The following VPS13C variants were observed in gnomAD, a reference collection of about 807,000 sequenced individuals.
VPS13C encodes the protein intermembrane lipid transfer protein VPS13C.
Under a neutral mutation model 456.8 loss-of-function variants are expected in VPS13C, and 358 were observed. The ratio of observed to expected loss-of-function variants is 0.78; its 90% CI spans 0.72 to 0.86. The LOEUF is 0.86. Ranked by LOEUF, VPS13C falls within the 40% of genes least tolerant of loss-of-function variation. VPS13C has a pLI of 0.00. For synonymous variants in VPS13C, 1,578 were observed against 1,486.7 expected (o/e 1.06, Z -1.41); for missense variants, 4,818 against 4,385.4 (o/e 1.10, Z -2.79).
chr15:62,044,894 T>G (rs1277197803), intron 1 of VPS13C, among the ~76,000 whole-genome samples: 1 of 152,110 alleles, frequency 6.6e-6, no homozygotes, highest in Non-Finnish European at 1.5e-5. Flanking sequence ...GGAAAAAGTT[T>G]TCATTTCACT....
chr15:61,907,825 T>C (rs1328317823), intron 65 of VPS13C, among the ~76,000 whole-genome samples: 2 of 152,188 alleles, frequency 1.3e-5, no homozygotes, highest in African/African-American at 2.4e-5. Flanking sequence ...CAAGATCATA[T>C]TGCACTACAG....
Position 62,044,269 on chromosome 15 carries a change from A to T in VPS13C, c.101-14T>A. On this transcript the variant is annotated splice_polypyrimidine_tract_variant and intron_variant, in intron 1 of 84. Transcript: ENST00000644861. Reference sequence around the variant, plus strand: ...AAGCCACATTTCCTTTAAAAAAAGAAAACAAAGAAAAATATTACTATAACA... The same window carrying T: ...AAGCCACATTTCCTTTAAAAAAAGATAACAAAGAAAAATATTACTATAACA... 7.0e-7 allele frequency: 1 copy of T among 1,431,026 alleles called. No individual in the cohort carries two copies. The highest frequency in any genetic ancestry group is 9.6e-7 in the Non-Finnish European group (1 of 1,038,438). The allele number at this position is 1,431,026 out of a possible 1,614,324, so 88.6% of individuals were successfully genotyped here.
chr15:61,997,170 A>C (rs914002363), intron 16 of VPS13C, among the ~76,000 whole-genome samples: 7 of 152,166 alleles, frequency 4.6e-5, no homozygotes, highest in Admixed American at 4.6e-4. Context: ...TAGTTAAAAA[A>C]TCAGGTGCAT....
chr15:61,907,210 T>C (rs887998024), intron 66 of VPS13C, 54 bp downstream of exon 66: 7 of 1,608,982 alleles, frequency 4.4e-6, no homozygotes, highest in Non-Finnish European at 6.0e-6. Flanking sequence ...ATAGCTTCTC[T>C]ACTTCCTTCA....
intron 67 of VPS13C, among the ~76,000 whole-genome samples, chr15:61,884,894 A>G (rs1345481493): frequency 1.3e-5 from 2 of 152,144 alleles, no homozygotes; most frequent in African/African-American, 4.8e-5. Flanking sequence ...GAAGGCATTC[A>G]TAAAATTCTA....
rs2140179439 is a variant in VPS13C at position 61,920,523 on chromosome 15, A to C, written c.7187T>G (p.Leu2396Arg). The C allele has an allele frequency of 1.9e-6, 3 of 1,547,342 alleles. No individual in the cohort carries two copies. The highest frequency in any genetic ancestry group is 1.7e-6 in the Non-Finnish European group (2 of 1,149,730). Residue 2396 changes from leucine to arginine, a missense_variant, in exon 56 of 85, where the codon CTT becomes CGT. Leu to Arg is a moderately radical substitution (Grantham distance 102). Transcript: ENST00000644861. ...TMNITISKSC[L>R]NVFNNLAKGF... ...TTTTGCTAAATTGTTGAAAACATTA[A>C]GACAACTTTTGGATATTGTTATATT...
At chr15:61,951,170 T>C (rs2044778687) in intron 39 of VPS13C, 146 bp from the exon 40 acceptor site, 1 of 509,424 alleles carries the variant, frequency 2.0e-6, no homozygotes, top group African/African-American at 1.9e-5. Context: ...GTATAAATCT[T>C]ACCTCAATAA....
rs563567843 is a variant in VPS13C, at chr15:62,035,955, A to T, written c.188-903T>A. 2.0e-5 allele frequency among the ~76,000 whole-genome samples: 3 copies of T among 152,146 alleles called. No homozygotes were observed. In the South Asian group the frequency reaches 6.2e-4, roughly 32 times the overall value. The stretch of plus-strand genomic sequence containing the variant: ...GGGCATGCTCTCAGCTAAATTTTGA[A>T]ATAGGCAAAATCTGTCAAAATCTTT... On this transcript the variant is annotated intron_variant, in intron 3 of 84. Transcript: ENST00000644861.
At chr15:61,883,331 C>G (rs865813194) in intron 68 of VPS13C, among the ~76,000 whole-genome samples, 7 of 152,126 alleles carry the variant, frequency 4.6e-5, no homozygotes, top group African/African-American at 1.7e-4. Flanking sequence ...GCCACTGCAC[C>G]TGGCCCAAAG....
chr15:61,894,766 T>C (rs751412502), intron 66 of VPS13C, among the ~76,000 whole-genome samples: 2 of 152,118 alleles, frequency 1.3e-5, no homozygotes, highest in African/African-American at 2.4e-5. Flanking sequence ...AAGGAAGAGA[T>C]AGACTGGAAT....
intron 27 of VPS13C, 58 bp downstream of exon 27, chr15:61,972,567 T>C (rs1276569340): frequency 8.3e-6 from 13 of 1,571,710 alleles, no homozygotes; most frequent in East Asian, 2.2e-5. Context: ...AGCTTGAGGA[T>C]AGCTTACAAG....
At chr15:61,918,056 T>A (rs906290253) in intron 59 of VPS13C, 80 bp downstream of exon 59, 3 of 1,426,482 alleles carry the variant, frequency 2.1e-6, no homozygotes, top group Non-Finnish European at 2.8e-6. Flanking sequence ...CTTTAGTTAA[T>A]AAAAATATGA....
chr15:62,020,890 C>T (rs557923712), intron 8 of VPS13C, among the ~76,000 whole-genome samples: 1 of 151,934 alleles, frequency 6.6e-6, no homozygotes, highest in South Asian at 2.1e-4. Context: ...AAAGGTGTTA[C>T]AGATAACACT....
Position 61,854,545 on chromosome 15 carries a change from G to C in VPS13C, c.11174C>G (p.Ala3725Gly), listed in dbSNP as rs770102471. 1.9e-6 allele frequency: 3 copies of C among 1,613,930 alleles called. No individual in the cohort carries two copies. The highest frequency in any genetic ancestry group is 2.2e-5 in the South Asian group (2 of 91,080). Residue 3725 changes from alanine to glycine, a missense_variant, in exon 85 of 85, where the codon GCC (alanine) becomes GGC (glycine). Transcript: ENST00000644861. ...TCTCGTTGACTGTGCATCCTCAATG[G>C]CATTACATGCTCTCTGTAAAGTAAA... ...DTATAERACN[A>G]IEDAQSTRQQ...
At chr15:62,037,434 A>AT (rs1191819475) in intron 3 of VPS13C, among the ~76,000 whole-genome samples, 7 of 62,622 alleles carry the variant, frequency 1.1e-4, no homozygotes, top group African/African-American at 2.6e-4. Context: ...ATATAAATAT[A>AT]ATATATATTA....
intron 7 of VPS13C, 97 bp downstream of exon 7, chr15:62,023,683 T>C: frequency 7.7e-7 from 1 of 1,306,594 alleles, no homozygotes; most frequent in African/African-American, 1.5e-5. Flanking sequence ...TGTTTTTGAA[T>C]TTATACTGTT....
At chr15:62,037,395 A>G (rs1256993533) in intron 3 of VPS13C, among the ~76,000 whole-genome samples, 79 of 105,918 alleles carry the variant, frequency 7.5e-4, no homozygotes, top group African/African-American at 1.3e-3. Flanking sequence ...TATATAATAT[A>G]TTATATATAA....
intron 5 of VPS13C, among the ~76,000 whole-genome samples, chr15:62,030,338 C>T (rs2140630726): frequency 6.6e-6 from 1 of 152,086 alleles, no homozygotes; most frequent in Admixed American, 6.5e-5. Flanking sequence ...ATGTGATTCC[C>T]AGTGTTGGAG....
At chr15:61,913,739 G>C (rs1596324169) in intron 61 of VPS13C, among the ~76,000 whole-genome samples, 4 of 152,152 alleles carry the variant, frequency 2.6e-5, no homozygotes, top group Admixed American at 2.6e-4. Flanking sequence ...TCCAGTGATA[G>C]ACTTATGACA....
Sources: allele counts gnomAD v4.1 joint callset (sites outside exome capture counted in the v4.1 genomes callset), GRCh38; gene constraint gnomAD v4.1.1; transcripts MANE v1.5; gene names NCBI Gene and HGNC (gene_info 2026-07-23, HGNC 2026-07-21).